Variants in PCDHGB1 observed in about 807,000 individuals in gnomAD.
The protein encoded by PCDHGB1 is protocadherin gamma subfamily B, 1, also known as protocadherin gamma-B1.
In PCDHGB1, 34 loss-of-function variants were observed where a neutral mutation model predicts 56.6. That is an observed-to-expected ratio of 0.60 (90% CI 0.46 to 0.80). The LOEUF is 0.80. Ranked by LOEUF, PCDHGB1 falls within the 30% of genes least tolerant of loss-of-function variation. The pLI, the probability that PCDHGB1 is intolerant of heterozygous loss-of-function variation, is 0.00. For missense variants in PCDHGB1, 1,278 were observed against 1,204.6 expected, an observed-to-expected ratio of 1.06 and a Z score of -0.90; for synonymous variants, 561 against 505.9, an observed-to-expected ratio of 1.11 and a Z score of -1.46.
At position 141,477,677 on chromosome 5, in the gene PCDHGB1, TC is replaced by T; in HGVS notation, c.2410-17128del. On this transcript the variant is annotated intron_variant, in intron 1 of 3. Transcript: ENST00000523390. This position sits in a 1 kb window ranked among gnomAD's most constrained non-coding sequence, Gnocchi z 4.9. ...AAATCGTGACAATGGCATAGTGTCA[TC>T]CTTAGTGCCCCTAGACTATGAGGAT... 1 of 1,614,174 alleles carries T rather than the reference TC, an allele frequency of 6.2e-7. No homozygotes were observed. The highest frequency in any genetic ancestry group is 8.5e-7 in the Non-Finnish European group (1 of 1,180,038).
intron 1 of PCDHGB1, chr5:141,393,221 AG>A (rs1394795238): frequency 1.2e-6 from 2 of 1,613,690 alleles, no homozygotes; most frequent in South Asian, 2.2e-5. Flanking sequence ...TCCAGGTCGA[AG>A]ATCTAGAAGT....
chr5:141,408,328 C>A, intron 1 of PCDHGB1: 1 of 1,613,910 alleles, frequency 6.2e-7, no homozygotes, highest in South Asian at 1.1e-5. Flanking sequence ...AGGAGCTGGC[C>A]AAGGGCTCGG....
chr5:141,482,661 T>A (rs1215403061), intron 1 of PCDHGB1, among the ~76,000 whole-genome samples: 2 of 151,742 alleles, frequency 1.3e-5, no homozygotes, highest in African/African-American at 4.9e-5. Flanking sequence ...TGAGCTATGA[T>A]CTAAAGGTTG....
chr5:141,424,697 T>C (rs1467404367), intron 1 of PCDHGB1: 4 of 152,342 alleles, frequency 2.6e-5, no homozygotes, highest in South Asian at 4.1e-4. Context: ...GGCTATTTTT[T>C]TGTTCATTTT....
Position 141,511,350 on chromosome 5 carries a change from C to G in PCDHGB1, c.*177C>G, listed in dbSNP as rs1303365585. 4.3e-6 allele frequency: 6 copies of G among 1,397,194 alleles called. No homozygotes were observed. Among genetic ancestry groups the G allele is most frequent in the East Asian group, 2.5e-5 (1 of 39,862 alleles). The allele number at this position is 1,397,194 out of a possible 1,614,324, so 86.5% of individuals were successfully genotyped here. On this transcript the variant is annotated 3_prime_UTR_variant, in exon 4 of 4. Transcript: ENST00000523390. ...CCCAGTCAGCACCTACCCCTTCCCC[C>G]CCAGGGGGTTGAATATGCAAAAGCA...
At chr5:141,488,932 A>G (rs2233598) in intron 1 of PCDHGB1, among the ~76,000 whole-genome samples, 31,368 of 152,090 alleles carry the variant, frequency 0.21, 3,372 homozygotes, top group Admixed American at 0.31. Flanking sequence ...GGATTGAGGA[A>G]ACTCCATAAT....
chr5:141,508,550 G>T (rs1440375100), intron 3 of PCDHGB1, among the ~76,000 whole-genome samples: 3 of 152,138 alleles, frequency 2.0e-5, no homozygotes, highest in Non-Finnish European at 1.5e-5. Flanking sequence ...GGTGGGCGGG[G>T]GATGGCTTTG....
intron 1 of PCDHGB1, among the ~76,000 whole-genome samples, chr5:141,443,756 A>G (rs1234457212): frequency 6.6e-6 from 1 of 152,232 alleles, no homozygotes; most frequent in Non-Finnish European, 1.5e-5. Flanking sequence ...TTGGAAGCTT[A>G]CAATATACAA....
intron 1 of PCDHGB1, chr5:141,364,958 C>T: frequency 1.2e-6 from 2 of 1,613,958 alleles, no homozygotes; most frequent in South Asian, 1.1e-5. Flanking sequence ...TGTTCACGAC[C>T]TCCTCCTCAC....
rs950164698 is a variant in PCDHGB1, at chr5:141,423,459, G to A, written c.2409+70790G>A. ...TGCCCACGTCACATTTTGTAGGCGT[G>A]GACGGGGTACAGGCTTTCCTGCAAA... On this transcript the variant is annotated intron_variant, in intron 1 of 3. Coordinates refer to ENST00000523390, the MANE Select transcript of PCDHGB1 (RefSeq NM_018922.3). 4.3e-6 allele frequency: 7 copies of A among 1,614,006 alleles called. No individual in the cohort carries two copies. In the South Asian group the frequency reaches 6.6e-5, roughly 15 times the overall value.
chr5:141,352,802 C>G, intron 1 of PCDHGB1, 133 bp downstream of exon 1: 1 of 903,782 alleles, frequency 1.1e-6, no homozygotes, highest in Non-Finnish European at 1.6e-6. Flanking sequence ...CCAGCATAGC[C>G]AAGATGGTAA....
chr5:141,399,708 A>G lies in PCDHGB1; in HGVS notation c.2409+47039A>G, dbSNP rs769072460. On this transcript the variant is annotated intron_variant, in intron 1 of 3. Transcript: ENST00000523390. ...AGCAGCTGCGCACCTTCGAACTCAC[A>G]CTACAGGCCCGCGACCAGGGCTCGC... 5.6e-6 allele frequency: 9 copies of G among 1,613,256 alleles called. No homozygotes were observed. In the African/African-American group the frequency reaches 8.0e-5, roughly 14 times the overall value.
intron 2 of PCDHGB1, among the ~76,000 whole-genome samples, chr5:141,502,408 G>A (rs1197275813): frequency 6.6e-6 from 1 of 151,782 alleles, no homozygotes; most frequent in Non-Finnish European, 1.5e-5. Context: ...CCCGAACCTG[G>A]ATTTGCTGGC....
At chr5:141,474,044 T>A (rs1442885504) in intron 1 of PCDHGB1, among the ~76,000 whole-genome samples, 3 of 152,162 alleles carry the variant, frequency 2.0e-5, no homozygotes. Context: ...TACTCCAGCC[T>A]GGATGACAGA....
chr5:141,481,317 C>T (rs2099535550), intron 1 of PCDHGB1, among the ~76,000 whole-genome samples: 1 of 152,182 alleles, frequency 6.6e-6, no homozygotes, highest in African/African-American at 2.4e-5. Context: ...CTTCCTAAAG[C>T]ACTAGCCCCT....
At position 141,419,770 on chromosome 5, in the gene PCDHGB1, G is replaced by A. The variant is rs1018272442; in HGVS notation, c.2409+67101G>A. On this transcript the variant is annotated intron_variant, in intron 1 of 3. Coordinates refer to ENST00000523390, the MANE Select transcript of PCDHGB1 (RefSeq NM_018922.3). ...TGCGTGCTTTGGGTGACAAGGACTC[G>A]GTCCGCCAGCGCCTGCTAGTCGCTG... 3.7e-6 allele frequency: 6 copies of A among 1,614,006 alleles called. No individual in the cohort carries two copies. The Admixed American group carries it at 6.7e-5, about 18-fold the overall frequency.
chr5:141,422,520 G>T, intron 1 of PCDHGB1: 2 of 1,613,946 alleles, frequency 1.2e-6, no homozygotes, highest in Middle Eastern at 1.6e-4. Flanking sequence ...AGGGAAGCCC[G>T]CCTTTGTCTG....
At chr5:141,448,999 G>GT (rs910018882) in intron 1 of PCDHGB1, among the ~76,000 whole-genome samples, 19 of 151,698 alleles carry the variant, frequency 1.3e-4, no homozygotes, top group South Asian at 2.1e-4. Flanking sequence ...ATAGAAAGCT[G>GT]TTTTTTTTAA....
chr5:141,362,255 T>C, intron 1 of PCDHGB1: 5 of 1,614,020 alleles, frequency 3.1e-6, no homozygotes, highest in Non-Finnish European at 4.2e-6. Flanking sequence ...TTCCTCGCGG[T>C]GATTCTGGCA....
Sources: allele counts gnomAD v4.1 joint callset (sites outside exome capture counted in the v4.1 genomes callset), GRCh38; gene constraint gnomAD v4.1.1; non-coding constraint Gnocchi (gnomAD v3.1); transcripts MANE v1.5; gene names NCBI Gene and HGNC (gene_info 2026-07-23, HGNC 2026-07-21).